The following PPP1R1B variants were observed in gnomAD, a reference collection of about 807,000 sequenced individuals.
PPP1R1B encodes protein phosphatase 1 regulatory subunit 1B.
In PPP1R1B, 13 loss-of-function variants were observed where a neutral mutation model predicts 28.2. The observed-to-expected ratio is 0.46, with a 90% CI of 0.30 to 0.73. The LOEUF is 0.73. Among genes scored for constraint, PPP1R1B ranks in the 30% least tolerant of loss-of-function variants. PPP1R1B has a pLI of 0.07. For missense variants in PPP1R1B, 236 were observed against 256.7 expected, an observed-to-expected ratio of 0.92 and a Z score of 0.55; for synonymous variants, 102 against 97.5, an observed-to-expected ratio of 1.05 and a Z score of -0.27.
chr17:39,629,172 C>T lies in PPP1R1B; in HGVS notation c.84C>T (p.Ile28=). Residue 28 remains isoleucine (I), a splice_region_variant and synonymous_variant, in exon 2 of 7, where the codon ATC becomes ATT. Transcript: ENST00000254079. ...CACCCCTCCCTCCATCTCCTTAGAT[C>T]CGGCGCAGGAGACCAACGCCTGCCA... ...SQLDPRQVEM[I]RRRRPTPAML... is the part of the protein sequence containing the mutation. 6.2e-7 allele frequency: 1 copy of T among 1,613,426 alleles called. No homozygotes were observed. Among genetic ancestry groups the T allele is most frequent in the South Asian group, 1.1e-5 (1 of 91,070 alleles).
chr17:39,630,198 T>C, intron 4 of PPP1R1B, 151 bp downstream of exon 4: 1 of 698,040 alleles, frequency 1.4e-6, no homozygotes, highest in Non-Finnish European at 2.5e-6. Context: ...AGACCAATTT[T>C]TTCTCAGTCT....
chr17:39,627,434 C>G lies in PPP1R1B; in HGVS notation c.42C>G (p.Pro14=). Residue 14 remains proline, a synonymous_variant, in exon 1 of 7, where the codon CCC becomes CCG. Coordinates refer to ENST00000254079, the MANE Select transcript of PPP1R1B (RefSeq NM_032192.4). Reference sequence around the variant, plus strand: ...GCAAGAAGATCCAGTTCTCGGTGCCCGCGCCCCCTAGCCAGCTCGACCCCC... The same window carrying G: ...GCAAGAAGATCCAGTTCTCGGTGCCGGCGCCCCCTAGCCAGCTCGACCCCC... ...KDRKKIQFSV[P]APPSQLDPRQ... The G allele has an allele frequency of 6.2e-7, 1 of 1,603,754 alleles. No homozygotes were observed. Among genetic ancestry groups the G allele is most frequent in the South Asian group, 1.1e-5 (1 of 90,282 alleles).
In PPP1R1B at chr17:39,636,177, A is replaced by G. The variant is rs2056922074; in HGVS notation, c.*312A>G. On this transcript the variant is annotated 3_prime_UTR_variant, in exon 7 of 7. Coordinates refer to ENST00000254079, the MANE Select transcript of PPP1R1B (RefSeq NM_032192.4). ...CGGGAACAGGGATTTGCCCTTCACAATTCTACTCCCCAGATCCTCTCCCCT... is the reference window on the plus strand; with the variant it reads ...CGGGAACAGGGATTTGCCCTTCACAGTTCTACTCCCCAGATCCTCTCCCCT... The G allele has an allele frequency of 2.5e-6, 1 of 407,936 alleles. No individual in the cohort carries two copies. The highest frequency in any genetic ancestry group is 4.6e-6 in the Non-Finnish European group (1 of 218,434). The allele number at this position is 407,936 out of a possible 1,614,324, so 25.3% of individuals were successfully genotyped here. A position where few individuals can be genotyped will look rare whatever the true frequency, so the allele number is the denominator to read the frequency against.
chr17:39,629,209 C>T lies in PPP1R1B; in HGVS notation c.121C>T (p.Leu41Phe). The T allele has an allele frequency of 1.2e-6, 2 of 1,613,774 alleles. No homozygotes were observed. Among genetic ancestry groups the T allele is most frequent in the Non-Finnish European group, 1.7e-6 (2 of 1,179,928 alleles). ...ACCAACGCCTGCCATGCTGTTCCGG[C>T]TCTCAGAGCACTCCTCACCAGGTAG... ...RRPTPAMLFR[L>F]SEHSSPEEEA... Residue 41 changes from leucine to phenylalanine, a missense_variant, in exon 2 of 7, where the codon CTC becomes TTC. By Grantham distance (22) the Leu-to-Phe change is conservative (BLOSUM62 0). Transcript: ENST00000254079.
At position 39,627,147 on chromosome 17, in the gene PPP1R1B, C is replaced by G. The variant is rs1164285699; in HGVS notation, c.-246C>G. 1.1e-5 allele frequency: 5 copies of G among 473,648 alleles called. No homozygotes were observed. Among genetic ancestry groups the G allele is most frequent in the Non-Finnish European group, 1.9e-5 (5 of 270,082 alleles). 29.3% of individuals were successfully genotyped at this position (473,648 alleles called of 1,614,324 possible). A position where few individuals can be genotyped will look rare whatever the true frequency, so the allele number is the denominator to read the frequency against. ...GAGCGCGAGGGAGCGAGGCACAGAC[C>G]TGGCTCAGCGAGCGCGGGGGGCGAG... On this transcript the variant is annotated 5_prime_UTR_variant, in exon 1 of 7. Coordinates refer to ENST00000254079, the MANE Select transcript of PPP1R1B (RefSeq NM_032192.4).
At position 39,627,234 on chromosome 17, in the gene PPP1R1B, G is replaced by T. The variant is rs1284255932; in HGVS notation, c.-159G>T. On this transcript the variant is annotated 5_prime_UTR_variant, in exon 1 of 7. Transcript: ENST00000254079. Reference sequence around the variant, plus strand: ...GGGCGCCGACCCTCCTCCCGCTCCCGCGCCCTCCCCTCGGCGGGCACGGTA... The same window carrying T: ...GGGCGCCGACCCTCCTCCCGCTCCCTCGCCCTCCCCTCGGCGGGCACGGTA... 8 of 536,940 alleles carry T rather than the reference G, an allele frequency of 1.5e-5. No homozygotes were observed. Among genetic ancestry groups the T allele is most frequent in the Non-Finnish European group, 2.2e-5 (7 of 319,666 alleles). 33.3% of individuals were successfully genotyped at this position (536,940 alleles called of 1,614,324 possible). A position where few individuals can be genotyped will look rare whatever the true frequency, so the allele number is the denominator to read the frequency against.
intron 4 of PPP1R1B, among the ~76,000 whole-genome samples, chr17:39,630,760 A>AAATT: frequency 6.6e-6 from 1 of 152,096 alleles, no homozygotes; most frequent in South Asian, 2.1e-4. Flanking sequence ...CCCCATCTCT[A>AAATT]TGAAAAATTT....
chr17:39,627,886 G>A (rs1194188969), intron 1 of PPP1R1B, among the ~76,000 whole-genome samples: 1 of 152,086 alleles, frequency 6.6e-6, no homozygotes, highest in African/African-American at 2.4e-5. Flanking sequence ...GGTGGACACT[G>A]ACCTTGTCAC....
intron 1 of PPP1R1B, among the ~76,000 whole-genome samples, chr17:39,628,029 C>A (rs1325757714): frequency 6.6e-6 from 1 of 152,154 alleles, no homozygotes; most frequent in Non-Finnish European, 1.5e-5. Flanking sequence ...GAGCCCCAAC[C>A]CCAAGGAGGG....
At chr17:39,635,201 C>T (rs1159924595) in intron 5 of PPP1R1B, among the ~76,000 whole-genome samples, 1 of 151,728 alleles carries the variant, frequency 6.6e-6, no homozygotes, top group Non-Finnish European at 1.5e-5. Context: ...ATCTCAAAAA[C>T]AAAAACAAAA....
chr17:39,627,843 G>T (rs1206821157), intron 1 of PPP1R1B, among the ~76,000 whole-genome samples: 1 of 152,082 alleles, frequency 6.6e-6, no homozygotes. Flanking sequence ...GCTCCGCCTG[G>T]CTCTGTCCCA....
intron 1 of PPP1R1B, among the ~76,000 whole-genome samples, 194 bp downstream of exon 1, chr17:39,627,667 G>T (rs1452685121): frequency 1.3e-5 from 2 of 151,982 alleles, no homozygotes; most frequent in Non-Finnish European, 2.9e-5. Context: ...TTTCCCCGCG[G>T]CTTTGGTCCT....
At position 39,635,949 on chromosome 17, in the gene PPP1R1B, G is replaced by A; in HGVS notation, c.*84G>A. Reference sequence around the variant, plus strand: ...CCACTCTATCCTCACCCTGTTTTGTGCTCTTCCCCTCGCCTGCTAGGGCTG... The same window carrying A: ...CCACTCTATCCTCACCCTGTTTTGTACTCTTCCCCTCGCCTGCTAGGGCTG... On this transcript the variant is annotated 3_prime_UTR_variant, in exon 7 of 7. Coordinates refer to ENST00000254079, the MANE Select transcript of PPP1R1B (RefSeq NM_032192.4). 4.8e-6 allele frequency: 7 copies of A among 1,470,550 alleles called. No homozygotes were observed. In the Admixed American group the frequency reaches 5.6e-5, roughly 12 times the overall value. 91.1% of individuals were successfully genotyped at this position (1,470,550 alleles called of 1,614,324 possible).
chr17:39,635,280 G>A (rs902209190), intron 5 of PPP1R1B, among the ~76,000 whole-genome samples: 17 of 152,180 alleles, frequency 1.1e-4, no homozygotes, highest in African/African-American at 3.9e-4. Context: ...TCAAATGATA[G>A]TCCTATGATG....
At chr17:39,629,431 C>T (rs1274610505) in intron 2 of PPP1R1B, 109 bp from the exon 3 acceptor site, 5 of 1,468,786 alleles carry the variant, frequency 3.4e-6, no homozygotes, top group African/African-American at 2.8e-5. Flanking sequence ...TTCCCTGTCC[C>T]CAGAGATTGA....
rs1405677322 is a variant in PPP1R1B at position 39,629,206 on chromosome 17, C to T, written c.118C>T (p.Arg40Trp). ...GAGACCAACGCCTGCCATGCTGTTC[C>T]GGCTCTCAGAGCACTCCTCACCAGG... ...RRRPTPAMLF[R>W]LSEHSSPEEE... Residue 40 changes from arginine (R) to tryptophan (W), a missense_variant, in exon 2 of 7, where the codon CGG (arginine) becomes TGG (tryptophan). Coordinates refer to ENST00000254079, the MANE Select transcript of PPP1R1B (RefSeq NM_032192.4). The T allele has an allele frequency of 1.1e-5, 18 of 1,613,704 alleles. No homozygotes were observed. The highest frequency in any genetic ancestry group is 8.9e-5 in the East Asian group (4 of 44,876).
chr17:39,635,475 C>T (rs992159169), intron 5 of PPP1R1B, 132 bp from the exon 6 acceptor site: 5 of 1,236,724 alleles, frequency 4.0e-6, no homozygotes, highest in South Asian at 1.4e-5. Context: ...TGTTCTAGCC[C>T]AGTTCTCTCT....
Position 39,634,149 on chromosome 17 carries a change from T to A in PPP1R1B, c.445+63T>A, listed in dbSNP as rs2056899925. On this transcript the variant is annotated intron_variant, in intron 5 of 6. Coordinates refer to ENST00000254079, the MANE Select transcript of PPP1R1B (RefSeq NM_032192.4). ...GGTCCTCCTTGAGTATACGAGGACG[T>A]CCCCTTCTAGTTCAGTGTCTCATAC... 4.4e-6 allele frequency: 7 copies of A among 1,593,352 alleles called. No individual in the cohort carries two copies. The South Asian group carries it at 7.8e-5, about 18-fold the overall frequency.
intron 1 of PPP1R1B, chr17:39,628,659 T>A (rs1376392551): frequency 6.1e-6 from 6 of 986,222 alleles, no homozygotes. Flanking sequence ...TCAGTCTCCT[T>A]CTGAAAAGCT....
Sources: gnomAD v4.1 joint callset for allele counts (sites outside exome capture counted in the v4.1 genomes callset) on GRCh38, gnomAD v4.1.1 for gene constraint, MANE v1.5 for transcripts, NCBI Gene and HGNC (gene_info 2026-07-23, HGNC 2026-07-21) for gene names.